The following SLIT1 variants were observed in gnomAD, a reference collection of about 807,000 sequenced individuals.
SLIT1 encodes slit homolog 1 protein.
SLIT1 carries 66 observed loss-of-function variants against 186.1 expected under a neutral mutation model. That is an observed-to-expected ratio of 0.35 (90% CI 0.29 to 0.44). The LOEUF is 0.44. Ranked by LOEUF, SLIT1 falls within the 20% of genes least tolerant of loss-of-function variation. The pLI is 1.00. For missense variants in SLIT1, 1,638 were observed against 2,037.4 expected (o/e 0.80, Z 3.77); for synonymous variants, 761 against 833.8 (o/e 0.91, Z 1.50).
intron 4 of SLIT1, among the ~76,000 whole-genome samples, chr10:97,119,912 G>GATATATATATATATAT (rs1564680617): frequency 6.3e-5 from 1 of 15,840 alleles, no homozygotes; most frequent in Non-Finnish European, 1.9e-4. Context: ...TTTCCAAAGG[G>GATATATATATATATAT]GTATATATAT....
At chr10:97,039,081 T>G (rs939573525) in intron 21 of SLIT1, among the ~76,000 whole-genome samples, 3 of 152,100 alleles carry the variant, frequency 2.0e-5, no homozygotes, top group African/African-American at 7.2e-5. Flanking sequence ...AGGCCCGCAG[T>G]GGTTGATGTG....
In SLIT1 at chr10:97,004,891, G is replaced by C. The variant is rs1848346861; in HGVS notation, c.3580-68C>G. 1.3e-6 allele frequency: 2 copies of C among 1,575,882 alleles called. No homozygotes were observed. The highest frequency in any genetic ancestry group is 1.7e-5 in the Admixed American group (1 of 59,464). On this transcript the variant is annotated intron_variant, in intron 32 of 36. Transcript: ENST00000266058. The surrounding 1 kb of genome is among the most constrained non-coding windows in gnomAD (Gnocchi z 5.1). ...GCAGCGGCACAGGCTAGCAGATGGG[G>C]CAGAGAGGGCACCCAAGATTGGAAG...
chr10:97,138,157 G>A (rs1239007967), intron 4 of SLIT1, among the ~76,000 whole-genome samples: 2 of 152,170 alleles, frequency 1.3e-5, no homozygotes, highest in East Asian at 1.9e-4. Context: ...TGCATATACC[G>A]AGGGCTGGCA....
chr10:97,034,057 G>T (rs574387136), intron 23 of SLIT1, among the ~76,000 whole-genome samples: 1 of 152,178 alleles, frequency 6.6e-6, no homozygotes, highest in East Asian at 1.9e-4. Context: ...TAGACATGGG[G>T]TTTCACCATG....
intron 25 of SLIT1, among the ~76,000 whole-genome samples, chr10:97,024,652 C>T (rs1223238177): frequency 6.6e-6 from 1 of 152,188 alleles, no homozygotes; most frequent in East Asian, 1.9e-4. Flanking sequence ...AATGTTTACA[C>T]TCACCAGATT....
chr10:97,127,087 G>A (rs1214657347), intron 4 of SLIT1, among the ~76,000 whole-genome samples: 4 of 151,656 alleles, frequency 2.6e-5, no homozygotes, highest in Admixed American at 6.6e-5. Flanking sequence ...GCAGGAGATC[G>A]AGACCATCCT....
chr10:97,176,774 T>C (rs963194346), intron 1 of SLIT1, among the ~76,000 whole-genome samples: 4 of 152,176 alleles, frequency 2.6e-5, no homozygotes, highest in African/African-American at 9.7e-5. Flanking sequence ...CTTTGGCCTT[T>C]GCAATGATTC....
At chr10:97,154,981 T>C (rs564650930) in intron 4 of SLIT1, 7 of 152,366 alleles carry the variant, frequency 4.6e-5, no homozygotes, top group African/African-American at 1.7e-4. Flanking sequence ...CCTGTCTCGC[T>C]GGCAGTAACA....
At chr10:97,013,963 T>C in intron 29 of SLIT1, 56 bp downstream of exon 29, 1 of 1,598,260 alleles carries the variant, frequency 6.3e-7, no homozygotes. Context: ...GCATGGGGGC[T>C]CAGGGCTGTC....
In SLIT1 at chr10:97,043,287, G is replaced by A; in HGVS notation, c.1997+83C>T. The A allele has an allele frequency of 1.9e-6, 3 of 1,552,088 alleles. No homozygotes were observed. Among genetic ancestry groups the A allele is most frequent in the Non-Finnish European group, 2.7e-6 (3 of 1,129,920 alleles). On this transcript the variant is annotated intron_variant, in intron 19 of 36. Coordinates refer to ENST00000266058, the MANE Select transcript of SLIT1 (RefSeq NM_003061.3). The surrounding 1 kb of genome is among the most constrained non-coding windows in gnomAD (Gnocchi z 7.0). ...CACGAAGACCCAGCACCCCCAGGGTGAGCTCTTTCAAAGTGGCTGGCCGAG... is the reference window on the plus strand; with the variant it reads ...CACGAAGACCCAGCACCCCCAGGGTAAGCTCTTTCAAAGTGGCTGGCCGAG...
chr10:97,166,968 C>G (rs1207817019), intron 1 of SLIT1, among the ~76,000 whole-genome samples: 1 of 152,178 alleles, frequency 6.6e-6, no homozygotes. Context: ...CAGGCTGTCT[C>G]AACATTCAAC....
chr10:97,185,494 G>A lies in SLIT1; in HGVS notation c.181C>T (p.Arg61Trp), dbSNP rs752991310. 1.9e-6 allele frequency: 3 copies of A among 1,612,230 alleles called. No homozygotes were observed. Among genetic ancestry groups the A allele is most frequent in the South Asian group, 1.1e-5 (1 of 90,974 alleles). Residue 61 changes from arginine (R) to tryptophan (W), a missense_variant, in exon 1 of 37, where the codon CGG becomes TGG. Transcript: ENST00000266058. ...CATACTCACAGGCGCTCGGTGTTCC[G>A]AGGTATATTCTTGGGAATGGCCTGC... ...GLQAIPKNIP[R>W]NTERLELNGN...
At position 97,146,559 on chromosome 10, in the gene SLIT1, G is replaced by GC. The variant is rs61265496; in HGVS notation, c.413+11258dup. Among the ~76,000 whole-genome samples the GC allele has an allele frequency of 6.8e-3, 1,019 of 149,096 alleles. 4 individuals are homozygous for GC. The highest frequency in any genetic ancestry group is 0.016 in the African/African-American group (636 of 40,850). On this transcript the variant is annotated intron_variant, in intron 4 of 36. Transcript: ENST00000266058. ...ACTACCCACACAGAGAGGTACCCCA[G>GC]CCCCCCCCACTGAACACCTCCCAGT...
chr10:97,098,742 G>C (rs984331528), intron 4 of SLIT1, among the ~76,000 whole-genome samples: 6 of 152,194 alleles, frequency 3.9e-5, no homozygotes, highest in Non-Finnish European at 8.8e-5. Context: ...CTGGAAGAGG[G>C]GAAGGGCAGA....
At chr10:97,064,952 G>T in intron 5 of SLIT1, 76 bp from the exon 6 acceptor site, 1 of 1,144,290 alleles carries the variant, frequency 8.7e-7, no homozygotes, top group Non-Finnish European at 1.3e-6. Context: ...CTGACCGCGT[G>T]CTCCATTCAT....
Position 97,164,864 on chromosome 10 carries a change from C to T in SLIT1, c.224G>A (p.Arg75Gln), listed in dbSNP as rs368965703. The T allele has an allele frequency of 6.6e-5, 106 of 1,613,512 alleles. No individual in the cohort carries two copies. The highest frequency in any genetic ancestry group is 8.4e-5 in the Non-Finnish European group (99 of 1,179,654). The change falls in exon 2 of 37, where the codon CGG becomes CAG. Residue 75 changes from arginine to glutamine, a missense_variant. Arg to Gln is a conservative substitution (Grantham distance 43). Around this residue, in one of 3 missense-constraint regions of SLIT1, gnomAD observed 1,245 missense variants for 1,535.3 expected, o/e 0.81. Coordinates refer to ENST00000266058, the MANE Select transcript of SLIT1 (RefSeq NM_003061.3). ...CCCCGCAAAGTCATTCTTATGGATC[C>T]GAGTGATGTTGTTGCCATTGAGTTC... ...RLELNGNNIT[R>Q]IHKNDFAGLK... is the part of the protein sequence containing the mutation.
At chr10:97,074,747 C>T (rs1037897791) in intron 4 of SLIT1, among the ~76,000 whole-genome samples, 1 of 152,202 alleles carries the variant, frequency 6.6e-6, no homozygotes, top group East Asian at 1.9e-4. Flanking sequence ...ACAAGGGGGC[C>T]GCCAGGCCCA....
In SLIT1 at chr10:97,063,375, A is replaced by G. The variant is rs1273987041; in HGVS notation, c.793+80T>C. 2.0e-6 allele frequency: 3 copies of G among 1,492,140 alleles called. No homozygotes were observed. In the East Asian group the frequency reaches 6.8e-5, roughly 34 times the overall value. 92.4% of individuals were successfully genotyped at this position (1,492,140 alleles called of 1,614,324 possible). A position where few individuals can be genotyped will look rare whatever the true frequency, so the allele number is the denominator to read the frequency against. On this transcript the variant is annotated intron_variant, in intron 8 of 36. Coordinates refer to ENST00000266058, the MANE Select transcript of SLIT1 (RefSeq NM_003061.3). The stretch of plus-strand genomic sequence containing the variant: ...GAGGTGATGGGCAGGCCAGGTATTA[A>G]TGTCGAGATTAGGGGCGGGAACAAG...
At chr10:97,108,857 C>T (rs1352632332) in intron 4 of SLIT1, among the ~76,000 whole-genome samples, 12 of 141,854 alleles carry the variant, frequency 8.5e-5, no homozygotes, top group Admixed American at 3.0e-4. Context: ...CACTGCGCTC[C>T]AGCCTGGTGA....
Sources: gnomAD v4.1 joint callset for allele counts (sites outside exome capture counted in the v4.1 genomes callset) on GRCh38, gnomAD v4.1.1 for gene constraint, gnomAD v4.1.1 regional missense constraint, Gnocchi (gnomAD v3.1) non-coding constraint, MANE v1.5 for transcripts, NCBI Gene and HGNC (gene_info 2026-07-23, HGNC 2026-07-21) for gene names.